Variants in SPMIP3 observed in about 807,000 individuals in gnomAD.
The protein encoded by SPMIP3 is sperm microtubule inner protein 3.
At chr1:244,377,718 C>A in the SPMIP3 span, among the ~76,000 whole-genome samples, 1 of 152,112 alleles carries the variant, frequency 6.6e-6, no homozygotes, top group Non-Finnish European at 1.5e-5. Flanking sequence ...CCAAGGGATA[C>A]CTATTTGAGT....
chr1:244,357,301 A>G, the SPMIP3 span, among the ~76,000 whole-genome samples: 6 of 152,244 alleles, frequency 3.9e-5, no homozygotes, highest in African/African-American at 1.4e-4. Context: ...TTGGAGAAAA[A>G]CAAAGCAAAG....
At chr1:244,356,432 T>C in the SPMIP3 span, among the ~76,000 whole-genome samples, 1 of 152,378 alleles carries the variant, frequency 6.6e-6, no homozygotes, top group African/African-American at 2.4e-5. Flanking sequence ...GTTGACAAAA[T>C]AAATCTTACA....
the SPMIP3 span, among the ~76,000 whole-genome samples, chr1:244,360,553 CACACATGCAT>C: frequency 0.22 from 11,912 of 54,082 alleles, 837 homozygotes; most frequent in Non-Finnish European, 0.28. Context: ...CACACACACA[CACACATGCAT>C]GCATGGAATA....
the SPMIP3 span, among the ~76,000 whole-genome samples, chr1:244,355,990 A>G: frequency 3.3e-5 from 5 of 152,212 alleles, no homozygotes; most frequent in South Asian, 1.0e-3. Flanking sequence ...TTTTTTACAT[A>G]TTAATCTTGT....
the SPMIP3 span, among the ~76,000 whole-genome samples, chr1:244,358,387 C>T: frequency 2.5e-4 from 38 of 152,070 alleles, 1 homozygote; most frequent in Middle Eastern, 6.8e-3. Flanking sequence ...AGTTCGAGAC[C>T]AGCCTGGCCA....
the SPMIP3 span, among the ~76,000 whole-genome samples, chr1:244,372,684 C>G: frequency 6.6e-6 from 1 of 152,154 alleles, no homozygotes; most frequent in Admixed American, 6.5e-5. Flanking sequence ...ACCTTGCGAT[C>G]CGCCCGCCTT....
chr1:244,369,755 G>A, the SPMIP3 span, among the ~76,000 whole-genome samples: 2 of 151,828 alleles, frequency 1.3e-5, no homozygotes, highest in Admixed American at 6.6e-5. Flanking sequence ...GCATAATGTG[G>A]GAAGAACTGG....
chr1:244,372,655 G>A, the SPMIP3 span, among the ~76,000 whole-genome samples: 7 of 152,102 alleles, frequency 4.6e-5, no homozygotes, highest in Middle Eastern at 3.2e-3. Context: ...GCGTTAGCCA[G>A]GATGGTCTCG....
At chr1:244,362,453 AG>A in the SPMIP3 span, among the ~76,000 whole-genome samples, 1 of 152,206 alleles carries the variant, frequency 6.6e-6, no homozygotes, top group Non-Finnish European at 1.5e-5. Flanking sequence ...AAAACTCTGT[AG>A]GGTTGCTGGG....
At chr1:244,386,020 A>G in the SPMIP3 span, among the ~76,000 whole-genome samples, 1 of 151,596 alleles carries the variant, frequency 6.6e-6, no homozygotes, top group African/African-American at 2.4e-5. Context: ...ACACACACAC[A>G]CACACACACA....
the SPMIP3 span, among the ~76,000 whole-genome samples, chr1:244,383,801 G>A: frequency 1.1e-4 from 16 of 152,320 alleles, no homozygotes; most frequent in African/African-American, 3.8e-4. Context: ...GGAGCAGGGT[G>A]CGGTGGAGGG....
chr1:244,365,429 C>T, the SPMIP3 span, among the ~76,000 whole-genome samples: 4 of 152,170 alleles, frequency 2.6e-5, no homozygotes, highest in South Asian at 6.2e-4. Context: ...GGGAGTTCCC[C>T]TGAACAAACT....
chr1:244,388,020 C>T, the SPMIP3 span, among the ~76,000 whole-genome samples: 17 of 151,946 alleles, frequency 1.1e-4, no homozygotes, highest in South Asian at 2.1e-4. Context: ...CTCCGCCTCC[C>T]GGGTTCATGC....
the SPMIP3 span, chr1:244,389,018 C>T: frequency 6.2e-7 from 1 of 1,613,980 alleles, no homozygotes; most frequent in Non-Finnish European, 8.5e-7. Context: ...CAGAGCTCTA[C>T]TGTTGTGAAG....
At chr1:244,359,732 T>G in the SPMIP3 span, among the ~76,000 whole-genome samples, 1 of 150,616 alleles carries the variant, frequency 6.6e-6, no homozygotes, top group Non-Finnish European at 1.5e-5. Flanking sequence ...TCAAAAAAAT[T>G]AATTAATTAA....
chr1:244,368,080 C>A, the SPMIP3 span, among the ~76,000 whole-genome samples: 1 of 152,076 alleles, frequency 6.6e-6, no homozygotes. Flanking sequence ...CATGCCTCAG[C>A]CTCTCGAGTG....
the SPMIP3 span, among the ~76,000 whole-genome samples, chr1:244,364,918 C>A: frequency 6.6e-6 from 1 of 152,128 alleles, no homozygotes; most frequent in Admixed American, 6.5e-5. Flanking sequence ...TCTGTGCAAA[C>A]CTACCGGCAA....
chr1:244,357,819 T>G, the SPMIP3 span, among the ~76,000 whole-genome samples: 19 of 152,026 alleles, frequency 1.2e-4, no homozygotes, highest in Admixed American at 7.2e-4. Context: ...GGCTCAGGCC[T>G]GTAATCCCGG....
the SPMIP3 span, chr1:244,378,393 G>C: frequency 1.4e-6 from 2 of 1,438,200 alleles, no homozygotes; most frequent in Non-Finnish European, 1.9e-6. Flanking sequence ...TCCAGGGAAT[G>C]GATTCCAGCT....
Sources: allele counts gnomAD v4.1 joint callset (sites outside exome capture counted in the v4.1 genomes callset), GRCh38; gene constraint gnomAD v4.1.1; transcripts MANE v1.5; gene names NCBI Gene and HGNC (gene_info 2026-07-23, HGNC 2026-07-21).